ZMAT4: variants seen among roughly 807,000 people sequenced by gnomAD.
ZMAT4 encodes the protein zinc finger matrin-type 4.
A neutral mutation model predicts 28.7 loss-of-function variants in ZMAT4; 17 were observed. The observed-to-expected ratio is 0.59, with a 90% confidence interval of 0.41 to 0.89. ZMAT4 has a LOEUF of 0.89. Among genes scored for constraint, ZMAT4 ranks in the 40% least tolerant of loss-of-function variants. The pLI, the probability that ZMAT4 is intolerant of heterozygous loss-of-function variation, is 0.00. For missense variants in ZMAT4, 240 were observed against 283.8 expected (o/e 0.85, Z 1.11); for synonymous variants, 117 against 109.2 (o/e 1.07, Z -0.44).
At chr8:40,881,433 G>GAGAGAGAAAGAAAGAAAGAGAGAAAGAA (rs1554497923) in intron 1 of ZMAT4, among the ~76,000 whole-genome samples, 1 of 70,228 alleles carries the variant, frequency 1.4e-5, no homozygotes, top group African/African-American at 6.0e-5. Context: ...AGAAGAAAGA[G>GAGAGAGAAAGAAAGAAAGAGAGAAAGAA]AGAAAGAAAG....
intron 1 of ZMAT4, among the ~76,000 whole-genome samples, chr8:40,828,562 A>G (rs1420964337): frequency 6.6e-6 from 1 of 152,240 alleles, no homozygotes; most frequent in Non-Finnish European, 1.5e-5. Context: ...TATACTAAAA[A>G]AAATTCAAGG....
At chr8:40,776,145 A>C (rs1343989295) in intron 2 of ZMAT4, among the ~76,000 whole-genome samples, 5 of 152,188 alleles carry the variant, frequency 3.3e-5, no homozygotes, top group Non-Finnish European at 5.9e-5. Flanking sequence ...CATCTACACT[A>C]GATGTTCTCC....
intron 2 of ZMAT4, among the ~76,000 whole-genome samples, chr8:40,801,371 T>TATATATATATATATATATATATATATAC (rs1199428052): frequency 4.8e-5 from 7 of 144,830 alleles, no homozygotes; most frequent in African/African-American, 1.8e-4. Flanking sequence ...TATATATATA[T>TATATATATATATATATATATATATATAC]ACATATATAT....
intron 3 of ZMAT4, among the ~76,000 whole-genome samples, chr8:40,712,078 A>T (rs7845664): frequency 2.0e-5 from 3 of 151,970 alleles, no homozygotes; most frequent in Non-Finnish European, 4.4e-5. Flanking sequence ...AGGATGAAGC[A>T]CACACTAAAA....
chr8:40,824,339 G>A lies in ZMAT4; in HGVS notation c.102+1236C>T, dbSNP rs1815941363. ...ATGTGCCTGTAGTCCCAGCTGCTCA[G>A]GAGGCTGAGGTGGGAGGATCGCTTG... On this transcript the variant is annotated intron_variant, in intron 2 of 6. Coordinates refer to ENST00000297737, the MANE Select transcript of ZMAT4 (RefSeq NM_024645.3). Among the ~76,000 whole-genome samples, 3 of 152,230 alleles carry A rather than the reference G, an allele frequency of 2.0e-5. No individual in the cohort carries two copies. The South Asian group carries it at 6.2e-4, about 31-fold the overall frequency.
intron 6 of ZMAT4, among the ~76,000 whole-genome samples, chr8:40,559,171 T>C (rs1803649356): frequency 6.6e-6 from 1 of 152,106 alleles, no homozygotes; most frequent in Admixed American, 6.6e-5. Context: ...ACTATAGCTT[T>C]GATTGCACAA....
At chr8:40,833,017 T>C (rs1165829385) in intron 1 of ZMAT4, among the ~76,000 whole-genome samples, 1 of 152,076 alleles carries the variant, frequency 6.6e-6, no homozygotes, top group Non-Finnish European at 1.5e-5. Context: ...TGTCCTTCTG[T>C]GGAAAGAAAA....
At chr8:40,862,206 T>G (rs376796824) in intron 1 of ZMAT4, among the ~76,000 whole-genome samples, 60 of 152,164 alleles carry the variant, frequency 3.9e-4, no homozygotes, top group East Asian at 1.4e-3. Flanking sequence ...TTAAGAAAAT[T>G]TGGCACATAT....
At chr8:40,795,102 G>C (rs752237660) in intron 2 of ZMAT4, among the ~76,000 whole-genome samples, 1 of 152,016 alleles carries the variant, frequency 6.6e-6, no homozygotes, top group African/African-American at 2.4e-5. Context: ...TATGATCCTG[G>C]CATTATGGTA....
At chr8:40,880,949 G>C (rs1207949664) in intron 1 of ZMAT4, among the ~76,000 whole-genome samples, 2 of 151,906 alleles carry the variant, frequency 1.3e-5, no homozygotes, top group South Asian at 4.2e-4. Flanking sequence ...CCAAACAACC[G>C]CCCAACTCCC....
intron 1 of ZMAT4, among the ~76,000 whole-genome samples, chr8:40,854,855 C>A (rs1442268810): frequency 6.6e-6 from 1 of 152,112 alleles, no homozygotes; most frequent in African/African-American, 2.4e-5. Context: ...CTGCGAGATA[C>A]CCTAAAGGGC....
chr8:40,618,809 T>C (rs2250680), intron 5 of ZMAT4, among the ~76,000 whole-genome samples: 148,561 of 152,288 alleles, frequency 0.98, 72,569 homozygotes, highest in Middle Eastern at 1. Flanking sequence ...CTTGCTCCTG[T>C]TCAAATGGCA....
chr8:40,664,334 G>A (rs1373187743), intron 5 of ZMAT4, among the ~76,000 whole-genome samples: 1 of 152,144 alleles, frequency 6.6e-6, no homozygotes, highest in Admixed American at 6.5e-5. Flanking sequence ...GTGTGTGAGT[G>A]AGCTGCCTTT....
intron 1 of ZMAT4, among the ~76,000 whole-genome samples, chr8:40,843,567 C>A (rs1816775402): frequency 6.6e-6 from 1 of 152,224 alleles, no homozygotes; most frequent in Admixed American, 6.5e-5. Flanking sequence ...CTTTCTAAAG[C>A]AGCAGCAGCA....
At chr8:40,656,144 T>G (rs946041124) in intron 5 of ZMAT4, among the ~76,000 whole-genome samples, 2 of 152,002 alleles carry the variant, frequency 1.3e-5, no homozygotes, top group African/African-American at 4.8e-5. Flanking sequence ...GTAAAGGATA[T>G]GAATAGGTAT....
intron 5 of ZMAT4, among the ~76,000 whole-genome samples, chr8:40,607,117 C>CTTTTTTTTTTTTTTTTTT (rs71544299): frequency 3.0e-5 from 2 of 65,718 alleles, no homozygotes; most frequent in Admixed American, 2.2e-4. Flanking sequence ...TATCTTGTAT[C>CTTTTTTTTTTTTTTTTTT]TTTTTTTTTT....
intron 1 of ZMAT4, among the ~76,000 whole-genome samples, chr8:40,890,905 C>T (rs1818644447): frequency 6.6e-6 from 1 of 151,998 alleles, no homozygotes; most frequent in Admixed American, 6.6e-5. Flanking sequence ...CCTCAGGTCC[C>T]ATTCAGGTGT....
chr8:40,710,135 T>C (rs1183661592), intron 3 of ZMAT4, among the ~76,000 whole-genome samples: 1 of 151,804 alleles, frequency 6.6e-6, no homozygotes, highest in Non-Finnish European at 1.5e-5. Context: ...CCAATGGGGA[T>C]AAAGTACAGT....
intron 2 of ZMAT4, among the ~76,000 whole-genome samples, chr8:40,812,155 C>T (rs1815345528): frequency 6.6e-6 from 1 of 152,024 alleles, no homozygotes; most frequent in African/African-American, 2.4e-5. Context: ...AATAAAAATA[C>T]ATGCCTACAT....
Sources: gnomAD v4.1 joint callset for allele counts (sites outside exome capture counted in the v4.1 genomes callset) on GRCh38, gnomAD v4.1.1 for gene constraint, MANE v1.5 for transcripts, NCBI Gene and HGNC (gene_info 2026-07-23, HGNC 2026-07-21) for gene names.